PFDN4: variants seen among roughly 807,000 people sequenced by gnomAD.
The protein encoded by PFDN4 is prefoldin 4.
A neutral mutation model predicts 17.6 loss-of-function variants in PFDN4; 6 were observed. The ratio of observed to expected loss-of-function variants is 0.34; its 90% CI spans 0.19 to 0.67. PFDN4 has a LOEUF of 0.67. Among genes scored for constraint, PFDN4 ranks in the 30% least tolerant of loss-of-function variants. The pLI, the probability that PFDN4 is intolerant of heterozygous loss-of-function variation, is 0.68. For synonymous variants in PFDN4, 48 were observed against 51.1 expected (o/e 0.94, Z 0.26); for missense variants, 119 against 158.4 (o/e 0.75, Z 1.33).
chr20:54,210,779 G>C (rs1335409501), intron 1 of PFDN4, among the ~76,000 whole-genome samples: 1 of 152,064 alleles, frequency 6.6e-6, no homozygotes, highest in African/African-American at 2.4e-5. Flanking sequence ...ACATTATCTT[G>C]TTCATCTTGT....
intron 1 of PFDN4, among the ~76,000 whole-genome samples, chr20:54,211,234 C>T (rs2092755368): frequency 6.6e-6 from 1 of 152,180 alleles, no homozygotes; most frequent in African/African-American, 2.4e-5. Context: ...AGTGCAGACT[C>T]CGTGTAATAC....
At chr20:54,211,742 C>G (rs2092756086) in intron 1 of PFDN4, among the ~76,000 whole-genome samples, 1 of 152,182 alleles carries the variant, frequency 6.6e-6, no homozygotes, top group African/African-American at 2.4e-5. Context: ...GGCAGGAGTT[C>G]CTAACCTTTT....
chr20:54,209,885 A>G (rs2092753447), intron 1 of PFDN4, among the ~76,000 whole-genome samples: 1 of 152,208 alleles, frequency 6.6e-6, no homozygotes, highest in Non-Finnish European at 1.5e-5. Flanking sequence ...TTAATCTCAT[A>G]GCCCCAAAGA....
chr20:54,214,797 A>G (rs1166549021), intron 2 of PFDN4, among the ~76,000 whole-genome samples: 3 of 152,156 alleles, frequency 2.0e-5, no homozygotes, highest in Non-Finnish European at 2.9e-5. Context: ...TGCTGCTGCC[A>G]GTGCCACCTA....
rs2146544820 is a variant in PFDN4, at chr20:54,219,629, A to G, written c.*479A>G. 2.5e-6 allele frequency: 1 copy of G among 395,676 alleles called. No individual in the cohort carries two copies. The highest frequency in any genetic ancestry group is 3.6e-5 in the East Asian group (1 of 27,832). The allele number at this position is 395,676 out of a possible 1,614,324, so 24.5% of individuals were successfully genotyped here. The stretch of plus-strand genomic sequence containing the variant: ...ATATGTATATATTTTATTTAAATAT[A>G]TGTTACATATTATATTTAAACATAC... On this transcript the variant is annotated 3_prime_UTR_variant, in exon 4 of 4. Coordinates refer to ENST00000371419, the MANE Select transcript of PFDN4 (RefSeq NM_002623.4).
intron 1 of PFDN4, among the ~76,000 whole-genome samples, chr20:54,210,982 G>A (rs192414807): frequency 1.8e-3 from 271 of 152,326 alleles, no homozygotes; most frequent in Non-Finnish European, 3.0e-3. Flanking sequence ...CTACTCGGGA[G>A]GCTGAGGCAC....
rs1478767474 is a variant in PFDN4, at chr20:54,219,356, A to G, written c.*206A>G. On this transcript the variant is annotated 3_prime_UTR_variant, in exon 4 of 4. Transcript: ENST00000371419. ...AGTATTCACCTATGTATTTTGCATA[A>G]CGATTATATCAAGTCTAGGGGCTTC... The G allele has an allele frequency of 2.4e-6, 1 of 421,440 alleles. No homozygotes were observed. Among genetic ancestry groups the G allele is most frequent in the Admixed American group, 4.3e-5 (1 of 23,180 alleles). The allele number at this position is 421,440 out of a possible 1,614,324, so 26.1% of individuals were successfully genotyped here. A position where few individuals can be genotyped will look rare whatever the true frequency, so the allele number is the denominator to read the frequency against.
intron 1 of PFDN4, among the ~76,000 whole-genome samples, chr20:54,212,052 A>G (rs2092756586): frequency 6.6e-6 from 1 of 152,086 alleles, no homozygotes; most frequent in Admixed American, 6.5e-5. Flanking sequence ...AATTAGCCGG[A>G]CATGGTGGCA....
intron 1 of PFDN4, 52 bp downstream of exon 1, chr20:54,208,176 C>A (rs753058716): frequency 3.4e-6 from 5 of 1,479,666 alleles, no homozygotes; most frequent in Non-Finnish European, 4.5e-6. Context: ...GGATCTCGGC[C>A]GCTGGGGCCC....
At chr20:54,218,953 T>C in intron 3 of PFDN4, 66 bp from the exon 4 acceptor site, 1 of 1,076,530 alleles carries the variant, frequency 9.3e-7, no homozygotes, top group Non-Finnish European at 1.3e-6. Flanking sequence ...CCAAATATTA[T>C]TTCAGACACA....
intron 1 of PFDN4, among the ~76,000 whole-genome samples, chr20:54,212,869 A>G (rs1378903019): frequency 6.6e-6 from 1 of 152,272 alleles, no homozygotes; most frequent in East Asian, 1.9e-4. Flanking sequence ...CAACTTCCAT[A>G]TTCATCAAAA....
intron 3 of PFDN4, among the ~76,000 whole-genome samples, chr20:54,217,969 A>G (rs1366856102): frequency 6.6e-6 from 1 of 152,182 alleles, no homozygotes; most frequent in East Asian, 1.9e-4. Flanking sequence ...ATTTCTAACA[A>G]GTTCCCAGGT....
intron 1 of PFDN4, among the ~76,000 whole-genome samples, chr20:54,209,763 A>G (rs1433955719): frequency 6.6e-6 from 1 of 152,088 alleles, no homozygotes; most frequent in Non-Finnish European, 1.5e-5. Flanking sequence ...CTAATTACCA[A>G]CTTTTTTTTT....
chr20:54,218,922 G>T (rs773776403), intron 3 of PFDN4, 97 bp from the exon 4 acceptor site: 173 of 766,136 alleles, frequency 2.3e-4, no homozygotes, highest in Non-Finnish European at 3.2e-4. Context: ...AGTTTAGAAG[G>T]TTCTTGACCT....
intron 1 of PFDN4, 102 bp downstream of exon 1, chr20:54,208,226 C>A: frequency 9.0e-7 from 1 of 1,110,450 alleles, no homozygotes. Flanking sequence ...CGAAGCCCGG[C>A]GTGGGACCCG....
At position 54,210,635 on chromosome 20, in the gene PFDN4, C is replaced by A. The variant is rs559310482; in HGVS notation, c.24+2511C>A. On this transcript the variant is annotated intron_variant, in intron 1 of 3. Coordinates refer to ENST00000371419, the MANE Select transcript of PFDN4 (RefSeq NM_002623.4). ...TGCACTTTGATTTCTGTTCATTATC[C>A]TATATACAAATGTCCTTTCCTCAGA... Among the ~76,000 whole-genome samples the A allele has an allele frequency of 1.2e-4, 18 of 152,284 alleles. No homozygotes were observed. The East Asian group carries it at 3.3e-3, about 28-fold the overall frequency.
intron 1 of PFDN4, among the ~76,000 whole-genome samples, chr20:54,209,449 C>T (rs2092752842): frequency 6.6e-6 from 1 of 152,192 alleles, no homozygotes; most frequent in Non-Finnish European, 1.5e-5. Context: ...AAAGCCCCAG[C>T]CAACTCAGGA....
rs547709552 is a variant in PFDN4, at chr20:54,213,690, A to T, written c.25-661A>T. Among the ~76,000 whole-genome samples, 140 of 152,280 alleles carry T rather than the reference A, an allele frequency of 9.2e-4. 1 individual carries two copies. The highest frequency in any genetic ancestry group is 8.7e-4 in the Non-Finnish European group (59 of 68,018). ...ATAGTAAATTCAATCAGTGTTAGCT[A>T]TTTTTTTATTATTTCATTGGTACTT... On this transcript the variant is annotated intron_variant, in intron 1 of 3. Coordinates refer to ENST00000371419, the MANE Select transcript of PFDN4 (RefSeq NM_002623.4).
At chr20:54,210,905 C>T (rs151301894) in intron 1 of PFDN4, among the ~76,000 whole-genome samples, 191 of 152,292 alleles carry the variant, frequency 1.3e-3, no homozygotes, top group African/African-American at 3.6e-3. Context: ...GTTAAATAAA[C>T]TACTGCATGG....
Sources: allele counts gnomAD v4.1 joint callset (sites outside exome capture counted in the v4.1 genomes callset), GRCh38; gene constraint gnomAD v4.1.1; transcripts MANE v1.5; gene names NCBI Gene and HGNC (gene_info 2026-07-23, HGNC 2026-07-21).